Variants in PTPN11 observed in about 807,000 individuals in gnomAD.
PTPN11 encodes protein tyrosine phosphatase non-receptor type 11.
Under a neutral mutation model 78.8 loss-of-function variants are expected in PTPN11, and 6 were observed. The ratio of observed to expected loss-of-function variants is 0.08; its 90% CI spans 0.04 to 0.15. The LOEUF is 0.15. Ranked by LOEUF, PTPN11 falls within the 10% of genes least tolerant of loss-of-function variation. The pLI is 1.00. For synonymous variants in PTPN11, 221 were observed against 263.5 expected (o/e 0.84, Z 1.56); for missense variants, 386 against 744.8 (o/e 0.52, Z 5.61).
Position 112,418,968 on chromosome 12 carries a change from TG to T in PTPN11, c.-142del, listed in dbSNP as rs1566150212. On this transcript the variant is annotated 5_prime_UTR_variant, in exon 1 of 16. Coordinates refer to ENST00000351677, the MANE Select transcript of PTPN11 (RefSeq NM_002834.5). ...GCACAGTCTCCGGGATCCCCAGGCC[TG>T]GAGGGGGGTCTGTGCGCGGCCGGCT... 9.5e-5 allele frequency: 94 copies of T among 990,730 alleles called. No individual in the cohort carries two copies. Among genetic ancestry groups the T allele is most frequent in the Non-Finnish European group, 1.2e-4 (81 of 663,612 alleles). 61.4% of individuals were successfully genotyped at this position (990,730 alleles called of 1,614,324 possible).
intron 5 of PTPN11, among the ~76,000 whole-genome samples, chr12:112,455,220 A>T (rs2038140378): frequency 6.8e-6 from 1 of 146,510 alleles, no homozygotes; most frequent in African/African-American, 2.5e-5. Context: ...TGTAAAAGGC[A>T]TTACAGAGGT....
intron 6 of PTPN11, among the ~76,000 whole-genome samples, chr12:112,472,018 T>C (rs2038426027): frequency 6.6e-6 from 1 of 152,216 alleles, no homozygotes; most frequent in African/African-American, 2.4e-5. Flanking sequence ...CTGTTTGTCA[T>C]GTCAGGCTGA....
Position 112,502,201 on chromosome 12 carries a change from A to C in PTPN11, c.1657A>C (p.Thr553Pro). 6.2e-7 allele frequency: 1 copy of C among 1,613,994 alleles called. No homozygotes were observed. Among genetic ancestry groups the C allele is most frequent in the Non-Finnish European group, 8.5e-7 (1 of 1,179,870 alleles). Residue 553 changes from threonine (T) to proline (P), a missense_variant, in exon 14 of 16, where the codon ACG becomes CCG. Physicochemically the swap from Thr to Pro is conservative, Grantham distance 38 (BLOSUM62 -1). Coordinates refer to ENST00000351677, the MANE Select transcript of PTPN11 (RefSeq NM_002834.5). ...TNIKYSLADQ[T>P]SGDQSPLPPC... ...TATTAAGTATTCTCTAGCGGACCAG[A>C]CGAGTGGAGATCAGAGCCCTCTCCC...
At chr12:112,483,859 C>T (rs943842739) in intron 10 of PTPN11, among the ~76,000 whole-genome samples, 9 of 151,998 alleles carry the variant, frequency 5.9e-5, no homozygotes, top group South Asian at 2.1e-4. Context: ...GAGAAAGGTC[C>T]GGGGGGATGG....
At position 112,455,942 on chromosome 12, in the gene PTPN11, T is replaced by C. The variant is rs758575627; in HGVS notation, c.643-8T>C. The C allele has an allele frequency of 1.1e-5, 16 of 1,515,060 alleles. No individual in the cohort carries two copies. Among genetic ancestry groups the C allele is most frequent in the Non-Finnish European group, 8.2e-6 (9 of 1,091,958 alleles). 93.9% of individuals were successfully genotyped at this position (1,515,060 alleles called of 1,614,324 possible). A position where few individuals can be genotyped will look rare whatever the true frequency, so the allele number is the denominator to read the frequency against. On this transcript the variant is annotated splice_region_variant and splice_polypyrimidine_tract_variant and intron_variant, in intron 5 of 15. Coordinates refer to ENST00000351677, the MANE Select transcript of PTPN11 (RefSeq NM_002834.5). ...CTTTATTTTACATCAACTGCTGTAC[T>C]CGATCAGCCCCTTAACACGACTCGT...
intron 9 of PTPN11, among the ~76,000 whole-genome samples, chr12:112,480,238 A>G (rs1268930938): frequency 1.3e-5 from 2 of 152,182 alleles, no homozygotes; most frequent in Admixed American, 6.5e-5. Context: ...ATAGAGTACA[A>G]TTAATATTAG....
chr12:112,489,550 G>A (rs1427053936), intron 13 of PTPN11, among the ~76,000 whole-genome samples: 4 of 152,166 alleles, frequency 2.6e-5, no homozygotes, highest in African/African-American at 7.2e-5. Context: ...CCTTTAAAAC[G>A]AATGCCTCAC....
At chr12:112,485,731 C>G (rs2038663884) in intron 10 of PTPN11, among the ~76,000 whole-genome samples, 1 of 152,012 alleles carries the variant, frequency 6.6e-6, no homozygotes, top group Non-Finnish European at 1.5e-5. Context: ...AATCCCAGCA[C>G]TTTGGGAGGT....
intron 1 of PTPN11, among the ~76,000 whole-genome samples, chr12:112,436,709 C>CT (rs769027606): frequency 2.0e-3 from 270 of 135,736 alleles, no homozygotes; most frequent in East Asian, 3.0e-3. Flanking sequence ...GAAATGAAGG[C>CT]TTTTTTTTTT....
chr12:112,468,450 G>T (rs2038363441), intron 6 of PTPN11, among the ~76,000 whole-genome samples: 1 of 152,298 alleles, frequency 6.6e-6, no homozygotes, highest in African/African-American at 2.4e-5. Context: ...TGAATTGTTT[G>T]TATTTTCAGT....
intron 13 of PTPN11, among the ~76,000 whole-genome samples, chr12:112,490,333 GTC>G (rs896248257): frequency 4.7e-5 from 7 of 147,672 alleles, no homozygotes; most frequent in African/African-American, 1.5e-4. Context: ...TGAGAGAGAG[GTC>G]TCTCTCTGTT....
At chr12:112,433,520 TAA>T (rs1277467061) in intron 1 of PTPN11, among the ~76,000 whole-genome samples, 1 of 152,244 alleles carries the variant, frequency 6.6e-6, no homozygotes, top group Non-Finnish European at 1.5e-5. Flanking sequence ...TAAAAGTATG[TAA>T]AAATGATTGT....
At chr12:112,447,067 C>T (rs2135857305) in intron 2 of PTPN11, among the ~76,000 whole-genome samples, 1 of 152,046 alleles carries the variant, frequency 6.6e-6, no homozygotes, top group South Asian at 2.1e-4. Context: ...TGAGGTCTCA[C>T]TGTATTACCA....
At chr12:112,489,415 T>C (rs1040787565) in intron 13 of PTPN11, among the ~76,000 whole-genome samples, 4 of 152,222 alleles carry the variant, frequency 2.6e-5, no homozygotes, top group African/African-American at 9.6e-5. Flanking sequence ...GCCTGCCAGA[T>C]TGAAGAACTG....
chr12:112,469,257 G>A (rs557035294), intron 6 of PTPN11, among the ~76,000 whole-genome samples: 9 of 152,174 alleles, frequency 5.9e-5, no homozygotes, highest in Middle Eastern at 3.4e-3. Context: ...AAATGAGAAA[G>A]GCTTTCTCTT....
chr12:112,427,644 G>A (rs981028808), intron 1 of PTPN11, among the ~76,000 whole-genome samples: 4 of 151,944 alleles, frequency 2.6e-5, no homozygotes, highest in African/African-American at 7.2e-5. Context: ...GTCAGGGGCT[G>A]GCAGGTTTTG....
At position 112,482,400 on chromosome 12, in the gene PTPN11, T is replaced by C. The variant is rs1346958533; in HGVS notation, c.1224+195T>C. ...GGTACATTGTGAACAAGGCAGGTAG[T>C]GTTCCTGCCCTCATCGAGCCTAGGG... On this transcript the variant is annotated intron_variant, in intron 10 of 15. Coordinates refer to ENST00000351677, the MANE Select transcript of PTPN11 (RefSeq NM_002834.5). This position sits in a 1 kb window ranked among gnomAD's most constrained non-coding sequence, Gnocchi z 4.4. Among the ~76,000 whole-genome samples the C allele has an allele frequency of 6.6e-5, 10 of 152,214 alleles. No individual in the cohort carries two copies. The highest frequency in any genetic ancestry group is 2.2e-4 in the African/African-American group (9 of 41,458).
Position 112,509,066 on chromosome 12 carries a change from A to G in PTPN11, c.*3274A>G, listed in dbSNP as rs1277464326. On this transcript the variant is annotated 3_prime_UTR_variant, in exon 16 of 16. Transcript: ENST00000351677. ...GGAAACTTAGACTATAGACATAACT[A>G]CAAAGCCAGTGCAGCTTTTGTTTTC... 1.3e-5 allele frequency: 2 copies of G among 152,230 alleles called. No individual in the cohort carries two copies. Among genetic ancestry groups the G allele is most frequent in the African/African-American group, 4.8e-5 (2 of 41,462 alleles). The allele number at this position is 152,230 out of a possible 1,614,324, so 9.4% of individuals were successfully genotyped here.
At chr12:112,486,237 T>A (rs1472902624) in intron 10 of PTPN11, among the ~76,000 whole-genome samples, 1 of 152,034 alleles carries the variant, frequency 6.6e-6, no homozygotes, top group African/African-American at 2.4e-5. Flanking sequence ...AGGGTATAGT[T>A]ACCTGAAAGA....
Sources: gnomAD v4.1 joint callset for allele counts (sites outside exome capture counted in the v4.1 genomes callset) on GRCh38, gnomAD v4.1.1 for gene constraint, Gnocchi (gnomAD v3.1) non-coding constraint, MANE v1.5 for transcripts, NCBI Gene and HGNC (gene_info 2026-07-23, HGNC 2026-07-21) for gene names.